MED13L: variants seen among roughly 807,000 people sequenced by gnomAD.
The protein encoded by MED13L is mediator of RNA polymerase II transcription subunit 13-like.
A neutral mutation model predicts 220.9 loss-of-function variants in MED13L; 7 were observed. That is an observed-to-expected ratio of 0.03 (90% CI 0.02 to 0.06). The LOEUF is 0.06. Among genes scored for constraint, MED13L ranks in the 10% least tolerant of loss-of-function variants. MED13L has a pLI of 1.00. For synonymous variants in MED13L, 1,011 were observed against 1,015.2 expected, an observed-to-expected ratio of 1.00 and a Z score of 0.08; for missense variants, 1,965 against 2,760.5, an observed-to-expected ratio of 0.71 and a Z score of 6.46.
chr12:116,211,036 A>G (rs2138351483), intron 2 of MED13L, among the ~76,000 whole-genome samples: 1 of 152,294 alleles, frequency 6.6e-6, no homozygotes, highest in South Asian at 2.1e-4. Flanking sequence ...AAGAGGGAGG[A>G]AAGGACTACA....
At chr12:116,270,002 A>G (rs935819947) in intron 1 of MED13L, among the ~76,000 whole-genome samples, 1 of 152,018 alleles carries the variant, frequency 6.6e-6, no homozygotes, top group Non-Finnish European at 1.5e-5. Context: ...AAAGCACTTT[A>G]TTAACTTAAA....
intron 2 of MED13L, among the ~76,000 whole-genome samples, chr12:116,116,022 T>C (rs540215610): frequency 1.1e-4 from 17 of 152,322 alleles, no homozygotes; most frequent in African/African-American, 3.8e-4. Flanking sequence ...TATGACAATA[T>C]CCCGTCGTAA....
chr12:116,109,118 TAG>T (rs1873868225), intron 3 of MED13L, among the ~76,000 whole-genome samples: 2 of 130,380 alleles, frequency 1.5e-5, no homozygotes, highest in African/African-American at 3.0e-5. Flanking sequence ...TCACCCAGGC[TAG>T]AGTGTGGTGG....
At chr12:115,984,153 T>C (rs1877526014) in intron 20 of MED13L, 27 bp downstream of exon 20, 2 of 1,609,950 alleles carry the variant, frequency 1.2e-6, no homozygotes, top group Admixed American at 1.7e-5. Flanking sequence ...TCTCCAATTC[T>C]ACTTTGCCAA....
intron 4 of MED13L, among the ~76,000 whole-genome samples, chr12:116,094,345 T>C (rs1026633699): frequency 6.6e-6 from 1 of 152,200 alleles, no homozygotes; most frequent in African/African-American, 2.4e-5. Flanking sequence ...CAAAGTCCCA[T>C]ATTCAATCAT....
chr12:116,094,995 T>C (rs967532367), intron 4 of MED13L, among the ~76,000 whole-genome samples: 3 of 151,930 alleles, frequency 2.0e-5, no homozygotes, highest in Non-Finnish European at 4.4e-5. Flanking sequence ...AACCCTGTCT[T>C]TACAAAAAAT....
chr12:116,170,556 T>C (rs1406664155), intron 2 of MED13L, among the ~76,000 whole-genome samples: 1 of 151,784 alleles, frequency 6.6e-6, no homozygotes, highest in African/African-American at 2.4e-5. Context: ...TAAAAAGACA[T>C]GTATTAAAGG....
chr12:116,075,242 T>C (rs1870689287), intron 4 of MED13L, among the ~76,000 whole-genome samples: 1 of 152,220 alleles, frequency 6.6e-6, no homozygotes, highest in East Asian at 1.9e-4. Context: ...AGCTGCCCCT[T>C]TGCAGTGTGA....
Position 116,237,724 on chromosome 12 carries a change from T to A in MED13L, c.73-19A>T, listed in dbSNP as rs369506837. On this transcript the variant is annotated intron_variant, in intron 1 of 30. Transcript: ENST00000281928. ...GTTCAGCCTGGAAAAAGACAAAAAA[T>A]TGTAATCGTTTTCTCATTTTACTTA... 17 of 1,603,448 alleles carry A rather than the reference T, an allele frequency of 1.1e-5. No individual in the cohort carries two copies. The African/African-American group carries it at 2.3e-4, about 21-fold the overall frequency.
In MED13L at chr12:116,035,615, G is replaced by C. The variant is rs149532886; in HGVS notation, c.480-13014C>G. ...TAATTAATTAATTTATTTAGAGACAGGGTCTCGTTCTGTCACTCAGGCTGG... is the reference window on the plus strand; with the variant it reads ...TAATTAATTAATTTATTTAGAGACACGGTCTCGTTCTGTCACTCAGGCTGG... On this transcript the variant is annotated intron_variant, in intron 4 of 30. Coordinates refer to ENST00000281928, the MANE Select transcript of MED13L (RefSeq NM_015335.5). Among the ~76,000 whole-genome samples the C allele has an allele frequency of 5.9e-3, 904 of 151,986 alleles. 12 individuals carry two copies. Among genetic ancestry groups the C allele is most frequent in the African/African-American group, 0.02 (847 of 41,422 alleles).
chr12:115,998,837 A>G (rs1878569465), intron 14 of MED13L, among the ~76,000 whole-genome samples: 1 of 152,162 alleles, frequency 6.6e-6, no homozygotes. Flanking sequence ...CTTATTTTCT[A>G]TAATAGGAAT....
At chr12:116,251,514 C>T (rs1293624332) in intron 1 of MED13L, among the ~76,000 whole-genome samples, 1 of 146,896 alleles carries the variant, frequency 6.8e-6, no homozygotes, top group Non-Finnish European at 1.5e-5. Flanking sequence ...AATCCCAGCA[C>T]TTTGGGAGGC....
intron 2 of MED13L, among the ~76,000 whole-genome samples, chr12:116,185,082 A>G (rs780141204): frequency 3.3e-5 from 5 of 152,338 alleles, no homozygotes; most frequent in Non-Finnish European, 7.3e-5. Flanking sequence ...TATATCCAAG[A>G]TGTACACCAA....
intron 2 of MED13L, among the ~76,000 whole-genome samples, chr12:116,143,090 A>G (rs1295427439): frequency 6.6e-6 from 1 of 152,204 alleles, no homozygotes; most frequent in Non-Finnish European, 1.5e-5. Context: ...TCTGAACTAC[A>G]TCAGTAGCTA....
chr12:116,010,393 G>A (rs537383812), intron 9 of MED13L, among the ~76,000 whole-genome samples: 1 of 152,036 alleles, frequency 6.6e-6, no homozygotes, highest in African/African-American at 2.4e-5. Flanking sequence ...TTTTCTCAGA[G>A]AGCATTTACC....
chr12:116,236,416 G>T (rs1229304408), intron 2 of MED13L, among the ~76,000 whole-genome samples: 1 of 151,828 alleles, frequency 6.6e-6, no homozygotes, highest in Non-Finnish European at 1.5e-5. Context: ...AAGGTGTCAA[G>T]CAAAAGTTGG....
Position 115,996,619 on chromosome 12 carries a change from A to C in MED13L, c.2853T>G (p.Ala951=). 1 of 1,614,092 alleles carries C rather than the reference A, an allele frequency of 6.2e-7. No individual in the cohort carries two copies. Among genetic ancestry groups the C allele is most frequent in the Non-Finnish European group, 8.5e-7 (1 of 1,179,982 alleles). Residue 951 remains alanine (A), a synonymous_variant, in exon 16 of 31, where the codon GCT becomes GCG. Transcript: ENST00000281928. Reference sequence around the variant, plus strand: ...AATGGCTCGGCAACATCTTCAGTGGAGCAAACATGGAGGATCCCACAAAAG... The same window carrying C: ...AATGGCTCGGCAACATCTTCAGTGGCGCAAACATGGAGGATCCCACAAAAG... ...FQPFVGSSMF[A]PLKMLPSHCL...
chr12:116,105,964 G>A (rs766845112), intron 3 of MED13L, among the ~76,000 whole-genome samples: 5 of 152,144 alleles, frequency 3.3e-5, no homozygotes, highest in Non-Finnish European at 7.3e-5. Flanking sequence ...ATTAATGAGC[G>A]ACCATGTGCT....
At chr12:116,219,357 C>T (rs1376246797) in intron 2 of MED13L, among the ~76,000 whole-genome samples, 1 of 152,152 alleles carries the variant, frequency 6.6e-6, no homozygotes, top group Non-Finnish European at 1.5e-5. Context: ...TAAAGATAGG[C>T]AGATGCCTAT....
Sources: gnomAD v4.1 joint callset for allele counts (sites outside exome capture counted in the v4.1 genomes callset) on GRCh38, gnomAD v4.1.1 for gene constraint, MANE v1.5 for transcripts, NCBI Gene and HGNC (gene_info 2026-07-23, HGNC 2026-07-21) for gene names.